The following MTREX variants were observed in gnomAD, a reference collection of about 807,000 sequenced individuals.
The protein encoded by MTREX is Mtr4 exosome RNA helicase, also known as exosome RNA helicase MTR4.
MTREX carries 76 observed loss-of-function variants against 135.4 expected under a neutral mutation model. That is an observed-to-expected ratio of 0.56 (90% CI 0.47 to 0.68). MTREX has a LOEUF of 0.68. MTREX is among the 30% of genes least tolerant of loss of function. The pLI, the probability that MTREX is intolerant of heterozygous loss-of-function variation, is 0.00. For missense variants in MTREX, 920 were observed against 1,262.1 expected (o/e 0.73, Z 4.11); for synonymous variants, 404 against 401.6 (o/e 1.01, Z -0.07).
intron 1 of MTREX, among the ~76,000 whole-genome samples, chr5:55,311,871 T>C (rs1304615203): frequency 6.6e-6 from 1 of 152,226 alleles, no homozygotes; most frequent in Non-Finnish European, 1.5e-5. Context: ...TTAAATGTGG[T>C]TATTAGAAAA....
chr5:55,399,689 G>A (rs1051823821), intron 20 of MTREX, among the ~76,000 whole-genome samples: 26 of 151,962 alleles, frequency 1.7e-4, no homozygotes, highest in Non-Finnish European at 2.6e-4. Flanking sequence ...GGGTTTCACC[G>A]TGTTAGCCAG....
chr5:55,340,043 G>A lies in MTREX; in HGVS notation c.549G>A (p.Gln183=), dbSNP rs1328691397. ...YAIALALREK[Q]RVIFTSPIKA... is the part of the protein sequence containing the mutation. Reference sequence around the variant, plus strand: ...TTGCATTGGCCTTAAGGGAAAAGCAGCGTGTAATATTTACCAGCCCAATTA... The same window carrying A: ...TTGCATTGGCCTTAAGGGAAAAGCAACGTGTAATATTTACCAGCCCAATTA... Residue 183 remains glutamine, a synonymous_variant, in exon 6 of 27, where the codon CAG becomes CAA. Transcript: ENST00000230640. 2 of 1,575,202 alleles carry A rather than the reference G, an allele frequency of 1.3e-6. No homozygotes were observed. Among genetic ancestry groups the A allele is most frequent in the East Asian group, 4.7e-5 (2 of 42,450 alleles).
Position 55,379,196 on chromosome 5 carries a change from G to A in MTREX, c.2052+1G>A. ...TTTCTCAAAAAAGTCAAATGTTAAG[G>A]TAAACTATTATCTTTAAATTAGAAT... On this transcript the variant is annotated splice_donor_variant, in intron 18 of 26. Transcript: ENST00000230640. LOFTEE classifies it high-confidence loss of function. The A allele has an allele frequency of 6.5e-7, 1 of 1,544,446 alleles. No homozygotes were observed. The highest frequency in any genetic ancestry group is 8.9e-7 in the Non-Finnish European group (1 of 1,119,276).
intron 8 of MTREX, 75 bp downstream of exon 8, chr5:55,343,530 C>T: frequency 7.7e-7 from 1 of 1,298,140 alleles, no homozygotes; most frequent in Non-Finnish European, 1.1e-6. Flanking sequence ...TCTCCCTTTG[C>T]TTTTCTCCTG....
intron 1 of MTREX, among the ~76,000 whole-genome samples, chr5:55,318,801 A>G (rs1749240424): frequency 6.8e-6 from 1 of 147,816 alleles, no homozygotes; most frequent in Non-Finnish European, 1.5e-5. Flanking sequence ...TGCTTGGCAC[A>G]TGTTCTTCTC....
intron 25 of MTREX, among the ~76,000 whole-genome samples, chr5:55,419,157 A>T (rs957881973): frequency 3.3e-5 from 5 of 152,268 alleles, no homozygotes; most frequent in Non-Finnish European, 4.4e-5. Flanking sequence ...CACATGTTTT[A>T]TGATTGGAAA....
chr5:55,379,902 T>G (rs1223748017), intron 18 of MTREX, among the ~76,000 whole-genome samples: 1 of 152,176 alleles, frequency 6.6e-6, no homozygotes, highest in Non-Finnish European at 1.5e-5. Context: ...TGCTGTAGAT[T>G]CCTTTCACCT....
intron 14 of MTREX, chr5:55,356,591 C>T (rs1749918143): frequency 5.3e-6 from 1 of 189,346 alleles, no homozygotes; most frequent in South Asian, 1.1e-4. Context: ...CAGTGAAATC[C>T]TTAGCCAGGT....
intron 1 of MTREX, among the ~76,000 whole-genome samples, chr5:55,312,551 A>G (rs1435930991): frequency 6.6e-6 from 1 of 151,660 alleles, no homozygotes. Context: ...TAGAACTTAT[A>G]TTTTCTAAAA....
intron 14 of MTREX, among the ~76,000 whole-genome samples, chr5:55,358,250 T>G (rs1167900076): frequency 1.3e-5 from 2 of 152,196 alleles, no homozygotes; most frequent in Non-Finnish European, 2.9e-5. Flanking sequence ...GTAATTGGCT[T>G]ATGTGGAAAG....
intron 25 of MTREX, among the ~76,000 whole-genome samples, chr5:55,421,215 C>G (rs946727249): frequency 6.6e-6 from 1 of 152,128 alleles, no homozygotes; most frequent in Non-Finnish European, 1.5e-5. Context: ...AAGAAGAGCC[C>G]TTGGATTACA....
chr5:55,369,557 T>C (rs1750161656), intron 16 of MTREX, among the ~76,000 whole-genome samples: 1 of 152,246 alleles, frequency 6.6e-6, no homozygotes, highest in Non-Finnish European at 1.5e-5. Context: ...TATCCCATTT[T>C]TTTAAAGCCT....
chr5:55,355,695 C>T (rs1197774984), intron 14 of MTREX, among the ~76,000 whole-genome samples: 2 of 152,144 alleles, frequency 1.3e-5, no homozygotes. Context: ...TGTGGGGGCA[C>T]CATGGAGAAA....
chr5:55,399,068 C>CACCAGTG (rs1012091479), intron 20 of MTREX, among the ~76,000 whole-genome samples: 1 of 152,190 alleles, frequency 6.6e-6, no homozygotes, highest in African/African-American at 2.4e-5. Flanking sequence ...TGGAACCTCA[C>CACCAGTG]ACCAGTGACT....
intron 4 of MTREX, 103 bp downstream of exon 4, chr5:55,327,881 T>A (rs1186404244): frequency 3.5e-6 from 3 of 848,598 alleles, no homozygotes; most frequent in Non-Finnish European, 3.8e-6. Context: ...AACATGTATA[T>A]GTATGTATCA....
In MTREX at chr5:55,328,612, G is replaced by T. The variant is rs1263838944; in HGVS notation, c.403-87G>T. 4.9e-6 allele frequency: 4 copies of T among 815,334 alleles called. No individual in the cohort carries two copies. The Admixed American group carries it at 6.0e-5, about 12-fold the overall frequency. The allele number at this position is 815,334 out of a possible 1,614,324, so 50.5% of individuals were successfully genotyped here. On this transcript the variant is annotated intron_variant, in intron 4 of 26. Coordinates refer to ENST00000230640, the MANE Select transcript of MTREX (RefSeq NM_015360.5). ...AAAGGAATACTCCCAGAATGCTTTG[G>T]GGGGTAGCCTGCTTGTGTTTTGATT... is the stretch of plus-strand genomic sequence containing the variant.
At chr5:55,423,743 G>C (rs1751095428) in intron 26 of MTREX, 1 of 152,238 alleles carries the variant, frequency 6.6e-6, no homozygotes, top group Non-Finnish European at 1.5e-5. Context: ...GGGGGCAAGG[G>C]GCATAAGCTT....
Position 55,322,511 on chromosome 5 carries a change from G to A in MTREX, c.272+47G>A. ...ATGTTAGTAACTCATAATTCAGGTG[G>A]TTACATGAGGTTTTAAAAATTGTCT... is the stretch of plus-strand genomic sequence containing the variant. On this transcript the variant is annotated intron_variant, in intron 2 of 26. Transcript: ENST00000230640. 2.1e-6 allele frequency: 3 copies of A among 1,418,814 alleles called. No homozygotes were observed. The South Asian group carries it at 4.5e-5, about 21-fold the overall frequency. The allele number at this position is 1,418,814 out of a possible 1,614,324, so 87.9% of individuals were successfully genotyped here.
At chr5:55,385,638 C>T (rs1229244105) in intron 18 of MTREX, among the ~76,000 whole-genome samples, 2 of 151,882 alleles carry the variant, frequency 1.3e-5, no homozygotes, top group Non-Finnish European at 2.9e-5. Context: ...TGGACTAGAT[C>T]TTTCTTTATT....
Sources: gnomAD v4.1 joint callset for allele counts (sites outside exome capture counted in the v4.1 genomes callset) on GRCh38, gnomAD v4.1.1 for gene constraint, MANE v1.5 for transcripts, NCBI Gene and HGNC (gene_info 2026-07-23, HGNC 2026-07-21) for gene names.